Variants in EPC2 observed in about 807,000 individuals in gnomAD.
EPC2 encodes the protein enhancer of polycomb homolog 2.
A neutral mutation model predicts 92.1 loss-of-function variants in EPC2; 14 were observed. That is an observed-to-expected ratio of 0.15 (90% CI 0.10 to 0.24). The LOEUF (loss-of-function observed/expected upper bound fraction) is 0.24, where lower values mean the gene tolerates loss of function less well. Ranked by LOEUF, EPC2 falls within the 10% of genes least tolerant of loss-of-function variation. The probability of loss-of-function intolerance (pLI) is 1.00; values close to 1 mark genes in which losing one functional copy is unlikely to be tolerated. For missense variants in EPC2, 755 were observed against 971.5 expected (o/e 0.78, Z 2.96); for synonymous variants, 340 against 334.7 (o/e 1.02, Z -0.17).
chr2:148,718,037 T>A (rs2105388654), intron 2 of EPC2, among the ~76,000 whole-genome samples: 1 of 152,362 alleles, frequency 6.6e-6, no homozygotes, highest in African/African-American at 2.4e-5. Flanking sequence ...GTTTAAAGCC[T>A]GTTTTATCAG....
At chr2:148,772,018 C>A (rs568086755) in intron 10 of EPC2, among the ~76,000 whole-genome samples, 1 of 152,050 alleles carries the variant, frequency 6.6e-6, no homozygotes, top group Admixed American at 6.6e-5. Context: ...AGGCCAGTCT[C>A]GAAATCCTGA....
rs1169500114 is a variant in EPC2, at chr2:148,645,408, C to G, written c.153+238C>G. 6.7e-6 allele frequency: 3 copies of G among 450,592 alleles called. No homozygotes were observed. The Admixed American group carries it at 1.3e-4, about 19-fold the overall frequency. The allele number at this position is 450,592 out of a possible 1,614,324, so 27.9% of individuals were successfully genotyped here. The stretch of plus-strand genomic sequence containing the variant: ...TTAGCTCGCAGCGCTGCTTACGCTG[C>G]CGTAAGGGGGCCTTGCCGTAAGCGG... On this transcript the variant is annotated intron_variant, in intron 1 of 13. Coordinates refer to ENST00000258484, the MANE Select transcript of EPC2 (RefSeq NM_015630.4).
intron 6 of EPC2, among the ~76,000 whole-genome samples, chr2:148,764,613 G>A (rs1683372966): frequency 6.6e-6 from 1 of 151,988 alleles, no homozygotes; most frequent in Non-Finnish European, 1.5e-5. Context: ...AAAAATAGTG[G>A]TTAATTTTTA....
intron 2 of EPC2, among the ~76,000 whole-genome samples, chr2:148,698,452 A>G (rs12613668): frequency 0.63 from 95,871 of 151,572 alleles, 32,855 homozygotes; most frequent in Non-Finnish European, 0.79. Context: ...CCTGGCCAAG[A>G]TGGTGAAACC....
intron 2 of EPC2, among the ~76,000 whole-genome samples, chr2:148,733,734 T>C (rs2105399661): frequency 6.6e-6 from 1 of 151,924 alleles, no homozygotes; most frequent in Middle Eastern, 3.4e-3. Context: ...CAAGCAATCC[T>C]CCACCATAAC....
chr2:148,664,611 A>G (rs528842985), intron 1 of EPC2, among the ~76,000 whole-genome samples: 3 of 152,310 alleles, frequency 2.0e-5, no homozygotes, highest in African/African-American at 7.2e-5. Flanking sequence ...CATAGTCAAG[A>G]TAATCAACAG....
chr2:148,710,529 A>G (rs1308523012), intron 2 of EPC2, among the ~76,000 whole-genome samples: 2 of 152,208 alleles, frequency 1.3e-5, no homozygotes, highest in Non-Finnish European at 2.9e-5. Flanking sequence ...AAATCATGCT[A>G]CTATAAAGAC....
At chr2:148,657,843 A>G (rs1355947573) in intron 1 of EPC2, among the ~76,000 whole-genome samples, 4 of 151,834 alleles carry the variant, frequency 2.6e-5, no homozygotes, top group East Asian at 1.9e-4. Context: ...CTTGTGGTCT[A>G]ATTTATTGGC....
chr2:148,743,291 T>G (rs1254230031), intron 2 of EPC2, among the ~76,000 whole-genome samples: 1 of 152,218 alleles, frequency 6.6e-6, no homozygotes, highest in Non-Finnish European at 1.5e-5. Context: ...TTCTCAATTC[T>G]TAATTTTGGC....
At chr2:148,706,650 C>T (rs534092121) in intron 2 of EPC2, among the ~76,000 whole-genome samples, 126 of 152,270 alleles carry the variant, frequency 8.3e-4, no homozygotes, top group African/African-American at 2.9e-3. Flanking sequence ...GCGGATCTCT[C>T]GGCAGAAATC....
chr2:148,733,492 T>C (rs1206358329), intron 2 of EPC2, among the ~76,000 whole-genome samples: 8 of 105,074 alleles, frequency 7.6e-5, no homozygotes, highest in Non-Finnish European at 1.5e-4. Flanking sequence ...TTTTTTTTTT[T>C]TTTTTTTTTT....
At chr2:148,734,440 A>C (rs1289964670) in intron 2 of EPC2, among the ~76,000 whole-genome samples, 1 of 152,126 alleles carries the variant, frequency 6.6e-6, no homozygotes, top group Non-Finnish European at 1.5e-5. Flanking sequence ...TAAACTAAAA[A>C]CCATGATTTC....
intron 1 of EPC2, among the ~76,000 whole-genome samples, chr2:148,687,968 C>A (rs1320034805): frequency 6.6e-6 from 1 of 152,048 alleles, no homozygotes. Flanking sequence ...ATAGAATGGA[C>A]CTTCAGTTTA....
intron 1 of EPC2, among the ~76,000 whole-genome samples, chr2:148,675,911 T>C (rs967772101): frequency 2.0e-5 from 3 of 152,202 alleles, no homozygotes; most frequent in African/African-American, 4.8e-5. Flanking sequence ...CCTAATTCAG[T>C]GGATAAATCC....
chr2:148,756,456 GCT>G (rs1311916267), intron 4 of EPC2, among the ~76,000 whole-genome samples: 3 of 152,174 alleles, frequency 2.0e-5, no homozygotes, highest in African/African-American at 4.8e-5. Flanking sequence ...ACTAACAAAG[GCT>G]CTCTGTTTTC....
chr2:148,714,861 T>C (rs6711689), intron 2 of EPC2, among the ~76,000 whole-genome samples: 22,878 of 152,188 alleles, frequency 0.15, 2,538 homozygotes, highest in East Asian at 0.46. Flanking sequence ...GTAGGTTGTC[T>C]GTTTACTCTG....
At chr2:148,647,390 C>T (rs567773159) in intron 1 of EPC2, among the ~76,000 whole-genome samples, 176 of 152,220 alleles carry the variant, frequency 1.2e-3, no homozygotes, top group Non-Finnish European at 1.9e-3. Context: ...TCACTGCAAC[C>T]TCCGCCTACC....
At chr2:148,718,477 A>T (rs1682301723) in intron 2 of EPC2, among the ~76,000 whole-genome samples, 1 of 151,940 alleles carries the variant, frequency 6.6e-6, no homozygotes, top group Non-Finnish European at 1.5e-5. Flanking sequence ...AAAGGATCTT[A>T]TTTTTCCTTT....
At chr2:148,748,712 A>G (rs975901956) in intron 3 of EPC2, among the ~76,000 whole-genome samples, 3 of 152,042 alleles carry the variant, frequency 2.0e-5, no homozygotes, top group African/African-American at 7.3e-5. Flanking sequence ...AATATTTTAA[A>G]TAATTTTGTG....
Sources: gnomAD v4.1 joint callset for allele counts (sites outside exome capture counted in the v4.1 genomes callset) on GRCh38, gnomAD v4.1.1 for gene constraint, MANE v1.5 for transcripts, NCBI Gene and HGNC (gene_info 2026-07-23, HGNC 2026-07-21) for gene names.